TMCO1: variants seen among roughly 807,000 people sequenced by gnomAD.
The protein encoded by TMCO1 is transmembrane and coiled-coil domains 1.
A neutral mutation model predicts 29.3 loss-of-function variants in TMCO1; 29 were observed. The ratio of observed to expected loss-of-function variants is 0.99; its 90% CI spans 0.74 to 1.35. TMCO1 has a LOEUF of 1.35. Among genes scored for constraint, TMCO1 ranks in the 40% most tolerant of loss-of-function variants. The probability of loss-of-function intolerance (pLI) is 0.00; values close to 1 mark genes in which losing one functional copy is unlikely to be tolerated. For synonymous variants in TMCO1, 80 were observed against 77.1 expected (o/e 1.04, Z -0.20); for missense variants, 173 against 225.5 (o/e 0.77, Z 1.49).
intron 6 of TMCO1, among the ~76,000 whole-genome samples, chr1:165,728,884 G>A (rs1245673970): frequency 1.3e-5 from 2 of 151,874 alleles, no homozygotes; most frequent in African/African-American, 4.8e-5. Context: ...ATCACTTGAG[G>A]CTAGGAGTTC....
chr1:165,730,693 C>A (rs1428748467), intron 6 of TMCO1, among the ~76,000 whole-genome samples: 1 of 152,076 alleles, frequency 6.6e-6, no homozygotes, highest in Admixed American at 6.6e-5. Flanking sequence ...TTCCCGGGCT[C>A]AAGCATTCTT....
intron 2 of TMCO1, among the ~76,000 whole-genome samples, chr1:165,762,761 T>A (rs1029174026): frequency 3.9e-5 from 6 of 152,174 alleles, no homozygotes; most frequent in Non-Finnish European, 5.9e-5. Flanking sequence ...TCTAAAAGAT[T>A]TATCCTATTT....
At chr1:165,730,149 G>A (rs559951634) in intron 6 of TMCO1, among the ~76,000 whole-genome samples, 272 of 120,512 alleles carry the variant, frequency 2.3e-3, no homozygotes, top group African/African-American at 7.7e-3. Flanking sequence ...GTGAAACCCC[G>A]TCTGTACTAA....
intron 5 of TMCO1, among the ~76,000 whole-genome samples, chr1:165,743,840 A>C (rs1651691068): frequency 6.6e-6 from 1 of 151,368 alleles, no homozygotes; most frequent in Admixed American, 6.6e-5. Flanking sequence ...CCAGCAACAA[A>C]TCTGAAAAAT....
At chr1:165,738,130 T>C (rs1651457907) in intron 6 of TMCO1, among the ~76,000 whole-genome samples, 1 of 152,156 alleles carries the variant, frequency 6.6e-6, no homozygotes, top group African/African-American at 2.4e-5. Context: ...CTGTCTCTAC[T>C]AAAAATACAA....
rs71656963 is a variant in TMCO1 at position 165,730,355 on chromosome 1, CAA to C, written c.469-2236_469-2235del. 1.1e-4 allele frequency among the ~76,000 whole-genome samples: 17 copies of C among 150,684 alleles called. No homozygotes were observed. In the East Asian group the frequency reaches 1.4e-3, roughly 12 times the overall value. ...GTCTCAAAACAAAAACAAAACAAAA[CAA>C]AAAAAAAAAAAGAATGTGTATTGAG... On this transcript the variant is annotated intron_variant, in intron 6 of 6. Coordinates refer to ENST00000367881, the MANE Select transcript of TMCO1 (RefSeq NM_019026.6).
chr1:165,737,322 AT>A (rs1221861609), intron 6 of TMCO1, among the ~76,000 whole-genome samples: 1 of 151,988 alleles, frequency 6.6e-6, no homozygotes, highest in African/African-American at 2.4e-5. Flanking sequence ...AAATTATCCC[AT>A]CTGAAGAACA....
At position 165,743,308 on chromosome 1, in the gene TMCO1, A is replaced by G; in HGVS notation, c.327T>C (p.Phe109=). ...TALMGMFNSI[F]DGRVVAKLPF... Reference sequence around the variant, plus strand: ...GAAGCTTTGCCACCACTCTACCATCAAATCTAAAAGAAAAAAAAAAAAAAA... The same window carrying G: ...GAAGCTTTGCCACCACTCTACCATCGAATCTAAAAGAAAAAAAAAAAAAAA... The change falls in exon 6 of 7, where the codon TTT becomes TTC. Residue 109 remains phenylalanine (F), a synonymous_variant. Coordinates refer to ENST00000367881, the MANE Select transcript of TMCO1 (RefSeq NM_019026.6). 6.2e-7 allele frequency: 1 copy of G among 1,612,042 alleles called. No individual in the cohort carries two copies. The highest frequency in any genetic ancestry group is 1.3e-5 in the African/African-American group (1 of 74,838).
chr1:165,752,421 G>C (rs1652034423), intron 4 of TMCO1, among the ~76,000 whole-genome samples: 1 of 151,270 alleles, frequency 6.6e-6, no homozygotes, highest in South Asian at 2.1e-4. Flanking sequence ...ACGCTTGGCT[G>C]ATTTTTTGTA....
At chr1:165,744,218 G>A (rs1651707013) in intron 5 of TMCO1, among the ~76,000 whole-genome samples, 1 of 152,212 alleles carries the variant, frequency 6.6e-6, no homozygotes, top group South Asian at 2.1e-4. Context: ...TGCAAAGAGA[G>A]AGATGATTTA....
chr1:165,748,732 T>C (rs1397261614), intron 5 of TMCO1, among the ~76,000 whole-genome samples: 1 of 152,210 alleles, frequency 6.6e-6, no homozygotes, highest in Non-Finnish European at 1.5e-5. Context: ...GGTTCATTCT[T>C]GGTGTTGTAC....
At chr1:165,728,258 C>CA in intron 6 of TMCO1, 137 bp from the exon 7 acceptor site, 1 of 595,906 alleles carries the variant, frequency 1.7e-6, no homozygotes, top group Non-Finnish European at 3.0e-6. Context: ...GGATGATTAT[C>CA]ACTTTTTTTT....
At chr1:165,725,183 T>C (rs1466237543), downstream of TMCO1, 4 of 451,508 alleles carry the variant, frequency 8.9e-6, no homozygotes, top group Non-Finnish European at 1.8e-5. Context: ...ATAGTACTTT[T>C]ACTTAAAGGG....
downstream of TMCO1, chr1:165,726,664 A>G: frequency 2.2e-6 from 1 of 454,338 alleles, no homozygotes; most frequent in South Asian, 1.6e-5. Context: ...AAACACTCAA[A>G]TTTATCCATA....
downstream of TMCO1, chr1:165,724,978 TTCTCTCTTTCTCTC>T (rs1450908106): frequency 4.4e-5 from 18 of 409,752 alleles, no homozygotes; most frequent in Admixed American, 5.4e-5. Flanking sequence ...GTGTTCTTTA[TTCTCTCTTTCTCTC>T]TCTCTCTCTC....
At chr1:165,743,015 T>A in intron 6 of TMCO1, 152 bp downstream of exon 6, 1 of 885,450 alleles carries the variant, frequency 1.1e-6, no homozygotes, top group Non-Finnish European at 1.8e-6. Context: ...CCATTTAAAA[T>A]GGCTTTTGGA....
chr1:165,738,239 G>A (rs950233550), intron 6 of TMCO1, among the ~76,000 whole-genome samples: 2 of 152,212 alleles, frequency 1.3e-5, no homozygotes, highest in African/African-American at 2.4e-5. Context: ...GTTGCAGTGA[G>A]CTGTGATTGC....
chr1:165,765,734 T>C (rs1652543807), intron 2 of TMCO1, among the ~76,000 whole-genome samples: 2 of 151,940 alleles, frequency 1.3e-5, no homozygotes, highest in Admixed American at 1.3e-4. Flanking sequence ...AGCACAAGAG[T>C]ATGGCTAGTA....
chr1:165,732,367 T>TA (rs1651194461), intron 6 of TMCO1, among the ~76,000 whole-genome samples: 1 of 17,046 alleles, frequency 5.9e-5, no homozygotes, highest in African/African-American at 2.2e-4. Flanking sequence ...ATCTTAGGAA[T>TA]AAAAAAATCA....
Sources: allele counts gnomAD v4.1 joint callset (sites outside exome capture counted in the v4.1 genomes callset), GRCh38; gene constraint gnomAD v4.1.1; transcripts MANE v1.5; gene names NCBI Gene and HGNC (gene_info 2026-07-23, HGNC 2026-07-21).